Variants in SCX observed in about 807,000 individuals in gnomAD.
SCX encodes scleraxis bHLH transcription factor, also known as basic helix-loop-helix transcription factor scleraxis.
Under a neutral mutation model 12.2 loss-of-function variants are expected in SCX, and 7 were observed. The ratio of observed to expected loss-of-function variants is 0.57; its 90% confidence interval spans 0.33 to 1.08. The LOEUF is 1.08. SCX is among the 50% of genes least tolerant of loss of function. SCX has a pLI of 0.04. For synonymous variants in SCX, 193 were observed against 163.9 expected (o/e 1.18, Z -1.36); for missense variants, 342 against 337.2 (o/e 1.01, Z -0.11).
Position 144,266,465 on chromosome 8 carries a change from AC to A in SCX, c.-148del. The A allele has an allele frequency of 1.0e-6, 1 of 976,602 alleles. No homozygotes were observed. The highest frequency in any genetic ancestry group is 1.2e-6 in the Non-Finnish European group (1 of 822,342). The allele number at this position is 976,602 out of a possible 1,614,324, so 60.5% of individuals were successfully genotyped here. ...GGGGCCCCGCTCCGGCCCGGGACGC[AC>A]ATGTGCGCGCGACGCCCGGCAGCTG... On this transcript the variant is annotated 5_prime_UTR_variant, in exon 1 of 2. Transcript: ENST00000567180.
rs1380719390 is a variant in SCX, at chr8:144,267,044, A to C, written c.431A>C (p.His144Pro). Residue 144 changes from histidine (H) to proline (P), a missense_variant, in exon 1 of 2, where the codon CAC becomes CCC. Physicochemically the swap from His to Pro is moderately conservative, Grantham distance 77. Coordinates refer to ENST00000567180, the MANE Select transcript of SCX (RefSeq NM_001080514.3). ...GEACGDGQPC[H>P]SGPAFFHAAR... ...GCCTGCGGCGACGGACAGCCCTGCC[A>C]CTCCGGGCCCGCCTTCTTCCACGCG... 6.6e-5 allele frequency: 99 copies of C among 1,508,042 alleles called. No individual in the cohort carries two copies. Among genetic ancestry groups the C allele is most frequent in the Non-Finnish European group, 8.5e-5 (96 of 1,135,398 alleles). 93.4% of individuals were successfully genotyped at this position (1,508,042 alleles called of 1,614,324 possible). A position where few individuals can be genotyped will look rare whatever the true frequency, so the allele number is the denominator to read the frequency against.
chr8:144,268,076 G>T, intron 1 of SCX, 28 bp from the exon 2 acceptor site: 1 of 1,549,818 alleles, frequency 6.5e-7, no homozygotes, highest in Non-Finnish European at 8.7e-7. Context: ...CTCTGCCGGG[G>T]CCTGACACTC....
rs1006987613 is a variant in SCX at position 144,267,839 on chromosome 8, G to A, written c.568-265G>A. Reference sequence around the variant, plus strand: ...AGCAGGGTGAGCAGGGAGAAAATACGGCACGGCTTTTCCCAATCCCCATTT... The same window carrying A: ...AGCAGGGTGAGCAGGGAGAAAATACAGCACGGCTTTTCCCAATCCCCATTT... On this transcript the variant is annotated intron_variant, in intron 1 of 1. Coordinates refer to ENST00000567180, the MANE Select transcript of SCX (RefSeq NM_001080514.3). 1.6e-3 allele frequency among the ~76,000 whole-genome samples: 237 copies of A among 152,326 alleles called. 1 individual carries two copies. Among genetic ancestry groups the A allele is most frequent in the African/African-American group, 5.5e-3 (229 of 41,570 alleles).
In SCX at chr8:144,268,385, T is replaced by C; in HGVS notation, c.*243T>C. The C allele has an allele frequency of 1.7e-6, 1 of 592,618 alleles. No homozygotes were observed. The highest frequency in any genetic ancestry group is 2.0e-5 in the South Asian group (1 of 49,134). 36.7% of individuals were successfully genotyped at this position (592,618 alleles called of 1,614,324 possible). A position where few individuals can be genotyped will look rare whatever the true frequency, so the allele number is the denominator to read the frequency against. ...CACTGGAACTTTCTGCGCTGGCTTT[T>C]CTTCCGGCCACTGTGTGATGGCATC... On this transcript the variant is annotated 3_prime_UTR_variant, in exon 2 of 2. Transcript: ENST00000567180.
At chr8:144,267,394 T>G (rs1554837326) in intron 1 of SCX, among the ~76,000 whole-genome samples, 2 of 151,436 alleles carry the variant, frequency 1.3e-5, no homozygotes, top group Non-Finnish European at 2.9e-5. Context: ...GAGTGTGGAG[T>G]CCCCTGCAGG....
rs1250461109 is a variant in SCX at position 144,266,499 on chromosome 8, G to T, written c.-115G>T. 3 of 987,076 alleles carry T rather than the reference G, an allele frequency of 3.0e-6. No homozygotes were observed. Among genetic ancestry groups the T allele is most frequent in the Admixed American group, 1.2e-4 (2 of 16,122 alleles). 61.1% of individuals were successfully genotyped at this position (987,076 alleles called of 1,614,324 possible). Reference sequence around the variant, plus strand: ...CGCGACGCCCGGCAGCTGCCACCGCGGGGCGCAGCCGAGACCCCGCGCCTC... The same window carrying T: ...CGCGACGCCCGGCAGCTGCCACCGCTGGGCGCAGCCGAGACCCCGCGCCTC... On this transcript the variant is annotated 5_prime_UTR_variant, in exon 1 of 2. Coordinates refer to ENST00000567180, the MANE Select transcript of SCX (RefSeq NM_001080514.3).
rs1845420662 is a variant in SCX at position 144,268,092 on chromosome 8, TCC to T, written c.568-9_568-8del. On this transcript the variant is annotated splice_polypyrimidine_tract_variant and intron_variant, in intron 1 of 1. Coordinates refer to ENST00000567180, the MANE Select transcript of SCX (RefSeq NM_001080514.3). ...TCTGCCGGGGCCTGACACTCCTCCC[TCC>T]CCTCTGCAGAGCAAGGACCGCGACA... is the stretch of plus-strand genomic sequence containing the variant. 1 of 1,550,394 alleles carries T rather than the reference TCC, an allele frequency of 6.4e-7. No homozygotes were observed. The highest frequency in any genetic ancestry group is 1.2e-5 in the South Asian group (1 of 84,050).
chr8:144,267,315 C>A, intron 1 of SCX, 135 bp downstream of exon 1: 1 of 1,087,414 alleles, frequency 9.2e-7, no homozygotes, highest in Non-Finnish European at 1.2e-6. Flanking sequence ...TAACACAGGC[C>A]TGCCGGGGGC....
intron 1 of SCX, 24 bp downstream of exon 1, chr8:144,267,204 G>T (rs989732565): frequency 6.7e-7 from 1 of 1,493,362 alleles, no homozygotes; most frequent in Non-Finnish European, 8.8e-7. Context: ...GTGGGGCGCC[G>T]AGGGGGGCCT....
chr8:144,266,703 C>T lies in SCX; in HGVS notation c.90C>T (p.Ser30=). Residue 30 remains serine (S), a synonymous_variant, in exon 1 of 2, where the codon AGC becomes AGT. Coordinates refer to ENST00000567180, the MANE Select transcript of SCX (RefSeq NM_001080514.3). ...TGTCGGAGGACGAGGACCGCGGCAG[C>T]GACAGCTCGGGCTCCGACGAGAAAC... The part of the protein sequence containing the change: ...SPLSEDEDRG[S]DSSGSDEKPC... 10 of 1,228,244 alleles carry T rather than the reference C, an allele frequency of 8.1e-6. No individual in the cohort carries two copies. The highest frequency in any genetic ancestry group is 6.9e-4 in the Middle Eastern group (2 of 2,898). The allele number at this position is 1,228,244 out of a possible 1,614,324, so 76.1% of individuals were successfully genotyped here.
intron 1 of SCX, among the ~76,000 whole-genome samples, 200 bp from the exon 2 acceptor site, chr8:144,267,904 A>G (rs1044190612): frequency 1.4e-4 from 22 of 152,196 alleles, no homozygotes; most frequent in South Asian, 2.1e-4. Context: ...GGGCCTGAAC[A>G]TCTGGGAAAT....
Position 144,266,533 on chromosome 8 carries a change from C to G in SCX, c.-81C>G. 6.0e-6 allele frequency: 6 copies of G among 992,812 alleles called. No individual in the cohort carries two copies. The South Asian group carries it at 1.4e-4, about 22-fold the overall frequency. 61.5% of individuals were successfully genotyped at this position (992,812 alleles called of 1,614,324 possible). On this transcript the variant is annotated 5_prime_UTR_variant, in exon 1 of 2. Transcript: ENST00000567180. ...CCGAGACCCCGCGCCTCGCCCCGGC[C>G]GGCCCGCGAGGCCCGCGGCGGCCGC... is the stretch of plus-strand genomic sequence containing the variant.
rs1845431569 is a variant in SCX, at chr8:144,268,428, T to C, written c.*286T>C. On this transcript the variant is annotated 3_prime_UTR_variant, in exon 2 of 2. Coordinates refer to ENST00000567180, the MANE Select transcript of SCX (RefSeq NM_001080514.3). ...ATGGCATCTTGTGTTTTTGATATGA[T>C]AATATAAAGTCTGAAAATTTTGTAT... is the stretch of plus-strand genomic sequence containing the variant. 1.8e-6 allele frequency: 1 copy of C among 565,044 alleles called. No homozygotes were observed. The highest frequency in any genetic ancestry group is 3.3e-5 in the Admixed American group (1 of 30,172). 35.0% of individuals were successfully genotyped at this position (565,044 alleles called of 1,614,324 possible).
chr8:144,267,308 C>T (rs1400018282), intron 1 of SCX, 128 bp downstream of exon 1: 5 of 1,149,682 alleles, frequency 4.3e-6, no homozygotes, highest in Non-Finnish European at 5.6e-6. Context: ...ACACCTGTAA[C>T]ACAGGCCTGC....
In SCX at chr8:144,267,042, C is replaced by G. The variant is rs1845387319; in HGVS notation, c.429C>G (p.Cys143Trp). 6.6e-7 allele frequency: 1 copy of G among 1,509,366 alleles called. No homozygotes were observed. The allele number at this position is 1,509,366 out of a possible 1,614,324, so 93.5% of individuals were successfully genotyped here. A position where few individuals can be genotyped will look rare whatever the true frequency, so the allele number is the denominator to read the frequency against. Residue 143 changes from cysteine to tryptophan, a missense_variant, in exon 1 of 2, where the codon TGC becomes TGG. By Grantham distance (215) the Cys-to-Trp change is radical. Coordinates refer to ENST00000567180, the MANE Select transcript of SCX (RefSeq NM_001080514.3). ...AGEACGDGQP[C>W]HSGPAFFHAA... ...AGGCCTGCGGCGACGGACAGCCCTG[C>G]CACTCCGGGCCCGCCTTCTTCCACG...
At position 144,268,279 on chromosome 8, in the gene SCX, G is replaced by T; in HGVS notation, c.*137G>T. ...ATGCCCCCAGGCCAGCCCTGGCTGCGAGCGGGGCCGAGGGACAGACGGACG... is the reference window on the plus strand; with the variant it reads ...ATGCCCCCAGGCCAGCCCTGGCTGCTAGCGGGGCCGAGGGACAGACGGACG... On this transcript the variant is annotated 3_prime_UTR_variant, in exon 2 of 2. Transcript: ENST00000567180. 6 of 1,285,816 alleles carry T rather than the reference G, an allele frequency of 4.7e-6. No homozygotes were observed. The highest frequency in any genetic ancestry group is 6.5e-6 in the Non-Finnish European group (6 of 928,004). 79.7% of individuals were successfully genotyped at this position (1,285,816 alleles called of 1,614,324 possible). A position where few individuals can be genotyped will look rare whatever the true frequency, so the allele number is the denominator to read the frequency against.
intron 1 of SCX, 59 bp from the exon 2 acceptor site, chr8:144,268,045 G>C: frequency 1.3e-6 from 2 of 1,548,954 alleles, no homozygotes. Context: ...GGAGGCCAGA[G>C]AGGCGCAGAC....
Position 144,268,249 on chromosome 8 carries a change from C to T in SCX, c.*107C>T. On this transcript the variant is annotated 3_prime_UTR_variant, in exon 2 of 2. Transcript: ENST00000567180. ...GACCTGAGCTGGGCAAGGCCCACCGCAAGCATGCCCCCAGGCCAGCCCTGG... is the reference window on the plus strand; with the variant it reads ...GACCTGAGCTGGGCAAGGCCCACCGTAAGCATGCCCCCAGGCCAGCCCTGG... 6.8e-7 allele frequency: 1 copy of T among 1,479,260 alleles called. No individual in the cohort carries two copies. Among genetic ancestry groups the T allele is most frequent in the Non-Finnish European group, 9.2e-7 (1 of 1,089,294 alleles). 91.6% of individuals were successfully genotyped at this position (1,479,260 alleles called of 1,614,324 possible). A position where few individuals can be genotyped will look rare whatever the true frequency, so the allele number is the denominator to read the frequency against.
At position 144,266,788 on chromosome 8, in the gene SCX, C is replaced by T; in HGVS notation, c.175C>T (p.Arg59Trp). 7 of 1,101,808 alleles carry T rather than the reference C, an allele frequency of 6.4e-6. No individual in the cohort carries two copies. The highest frequency in any genetic ancestry group is 1.7e-5 in the African/African-American group (1 of 59,230). 68.3% of individuals were successfully genotyped at this position (1,101,808 alleles called of 1,614,324 possible). A position where few individuals can be genotyped will look rare whatever the true frequency, so the allele number is the denominator to read the frequency against. Residue 59 changes from arginine to tryptophan, a missense_variant, in exon 1 of 2, where the codon CGG (arginine) becomes TGG (tryptophan). Physicochemically the swap from Arg to Trp is moderately radical, Grantham distance 101 (BLOSUM62 -3). Coordinates refer to ENST00000567180, the MANE Select transcript of SCX (RefSeq NM_001080514.3). ...GGGCGCCCGGCGGAGGGCGGGGGGC[C>T]GGCGGGCCGGGGGCGGGGGGCCAGG... ...LQGARRRAGG[R>W]RAGGGGPGGR... is the part of the protein sequence containing the mutation.
Sources: allele counts gnomAD v4.1 joint callset (sites outside exome capture counted in the v4.1 genomes callset), GRCh38; gene constraint gnomAD v4.1.1; transcripts MANE v1.5; gene names NCBI Gene and HGNC (gene_info 2026-07-23, HGNC 2026-07-21).